The following ALPK2 variants were observed in gnomAD, a reference collection of about 807,000 sequenced individuals.
ALPK2 encodes alpha-protein kinase 2.
In ALPK2, 127 loss-of-function variants were observed where a neutral mutation model predicts 163.1. The observed-to-expected ratio is 0.78, with a 90% CI of 0.67 to 0.90. The LOEUF is 0.90. Ranked by LOEUF, ALPK2 falls within the 40% of genes least tolerant of loss-of-function variation. The pLI is 0.00. For missense variants in ALPK2, 2,360 were observed against 2,589.6 expected (o/e 0.91, Z 1.92); for synonymous variants, 953 against 959.1 (o/e 0.99, Z 0.12).
intron 12 of ALPK2, among the ~76,000 whole-genome samples, chr18:58,486,144 T>A (rs1479072928): frequency 6.6e-6 from 1 of 152,174 alleles, no homozygotes; most frequent in Admixed American, 6.5e-5. Flanking sequence ...TGGGTAGACT[T>A]CTTTCAGGAA....
intron 12 of ALPK2, among the ~76,000 whole-genome samples, chr18:58,495,525 T>C (rs2144104516): frequency 6.6e-6 from 1 of 152,314 alleles, no homozygotes; most frequent in Non-Finnish European, 1.5e-5. Context: ...GGATTTCTTT[T>C]TAAATCAGGA....
At chr18:58,571,146 C>G (rs1171483574) in intron 4 of ALPK2, among the ~76,000 whole-genome samples, 1 of 152,046 alleles carries the variant, frequency 6.6e-6, no homozygotes, top group African/African-American at 2.4e-5. Context: ...CTCAGCCTCC[C>G]AAGTAGCTGG....
intron 4 of ALPK2, among the ~76,000 whole-genome samples, chr18:58,547,175 C>T (rs992037369): frequency 6.6e-6 from 1 of 152,180 alleles, no homozygotes; most frequent in African/African-American, 2.4e-5. Flanking sequence ...TGTTCTGTGA[C>T]CTGCTGCCAA....
In ALPK2 at chr18:58,536,931, C is replaced by T. The variant is rs763412634; in HGVS notation, c.3256G>A (p.Val1086Ile). 11 of 1,614,226 alleles carry T rather than the reference C, an allele frequency of 6.8e-6. No individual in the cohort carries two copies. Among genetic ancestry groups the T allele is most frequent in the Non-Finnish European group, 8.5e-6 (10 of 1,180,030 alleles). The part of the protein sequence containing the change: ...APSVPGVPHH[V>I]LQLPEGEGFC... The stretch of plus-strand genomic sequence containing the variant: ...CCCTCTCCCTCTGGGAGCTGCAGGA[C>T]ATGGTGTGGGACTCCTGGCACACTG... The change falls in exon 5 of 13, where the codon GTC (valine) becomes ATC (isoleucine). Residue 1086 changes from valine to isoleucine, a missense_variant. By Grantham distance (29) the Val-to-Ile change is conservative. Coordinates refer to ENST00000361673, the MANE Select transcript of ALPK2 (RefSeq NM_052947.4).
intron 4 of ALPK2, among the ~76,000 whole-genome samples, chr18:58,573,338 A>G (rs995766627): frequency 1.5e-5 from 2 of 137,908 alleles, no homozygotes; most frequent in Admixed American, 7.1e-5. Context: ...ATATATGTGT[A>G]TATATATGTA....
chr18:58,589,075 A>G (rs1211233343), intron 3 of ALPK2, among the ~76,000 whole-genome samples: 1 of 152,194 alleles, frequency 6.6e-6, no homozygotes, highest in Non-Finnish European at 1.5e-5. Context: ...CATTGATTTA[A>G]GCTATTCACC....
At chr18:58,624,996 C>T (rs2052222061) in intron 1 of ALPK2, among the ~76,000 whole-genome samples, 1 of 152,172 alleles carries the variant, frequency 6.6e-6, no homozygotes, top group Admixed American at 6.5e-5. Flanking sequence ...GTAGCCCAAC[C>T]ACACTAATTT....
intron 4 of ALPK2, among the ~76,000 whole-genome samples, chr18:58,539,185 T>G (rs972117747): frequency 4.6e-5 from 7 of 152,198 alleles, no homozygotes; most frequent in African/African-American, 1.7e-4. Context: ...GACTTATGAT[T>G]GGCCACCAGC....
In ALPK2 at chr18:58,607,425, C is replaced by G. The variant is rs775186549; in HGVS notation, c.124G>C (p.Glu42Gln). 2 of 1,609,792 alleles carry G rather than the reference C, an allele frequency of 1.2e-6. No individual in the cohort carries two copies. The highest frequency in any genetic ancestry group is 1.1e-5 in the South Asian group (1 of 90,334). ...RCIISGQPKP[E>Q]VTWYKNGQAI... The stretch of plus-strand genomic sequence containing the variant: ...TGACCATTCTTATACCAAGTTACCT[C>G]TGGCTTGGGCTGACCTGACAATAAA... The change falls in exon 3 of 13, where the codon GAG becomes CAG. Residue 42 changes from glutamate (E) to glutamine (Q), a missense_variant. Physicochemically the swap from Glu to Gln is conservative, Grantham distance 29 (BLOSUM62 2). Transcript: ENST00000361673.
intron 4 of ALPK2, among the ~76,000 whole-genome samples, chr18:58,562,676 G>A (rs1172044105): frequency 6.6e-6 from 1 of 152,226 alleles, no homozygotes; most frequent in Non-Finnish European, 1.5e-5. Flanking sequence ...CTCAGCTCAG[G>A]CTGCTATCAC....
intron 4 of ALPK2, among the ~76,000 whole-genome samples, chr18:58,560,502 A>G (rs1429245657): frequency 6.6e-6 from 1 of 152,136 alleles, no homozygotes; most frequent in African/African-American, 2.4e-5. Flanking sequence ...GCATCTTCAA[A>G]TCCTTCTCTG....
At chr18:58,541,026 T>C (rs531486763) in intron 4 of ALPK2, among the ~76,000 whole-genome samples, 11 of 152,258 alleles carry the variant, frequency 7.2e-5, no homozygotes, top group Non-Finnish European at 1.3e-4. Context: ...CATAGTATCA[T>C]GCCGTGATTT....
Position 58,521,625 on chromosome 18 carries a change from C to CTTTTTTTTTTTTTTTT in ALPK2, c.5665+2180_5665+2181insAAAAAAAAAAAAAAAA, listed in dbSNP as rs1375364902. 4.6e-3 allele frequency among the ~76,000 whole-genome samples: 231 copies of CTTTTTTTTTTTTTTTT among 50,512 alleles called. 6 individuals carry two copies. The highest frequency in any genetic ancestry group is 8.7e-3 in the South Asian group (13 of 1,486). The allele number at this position is 50,512 out of a possible 152,430, so 33.1% of individuals were successfully genotyped here. ...CATTTCTTTTTCTTTCTTTCTCTCT[C>CTTTTTTTTTTTTTTTT]TCTTTTTTTTTTTTTTTTTTTGAGA... On this transcript the variant is annotated intron_variant, in intron 8 of 12. Transcript: ENST00000361673.
At chr18:58,539,274 G>A (rs2051677196) in intron 4 of ALPK2, among the ~76,000 whole-genome samples, 1 of 152,138 alleles carries the variant, frequency 6.6e-6, no homozygotes, top group Non-Finnish European at 1.5e-5. Context: ...ATGCCCAGTG[G>A]CAGGCAGACC....
chr18:58,589,665 C>T (rs2052005349), intron 3 of ALPK2, among the ~76,000 whole-genome samples: 2 of 152,202 alleles, frequency 1.3e-5, no homozygotes, highest in South Asian at 4.1e-4. Context: ...TCATGCTCAT[C>T]CTACCCTAAG....
In ALPK2 at chr18:58,579,605, C is replaced by T. The variant is rs1178029399; in HGVS notation, c.1171G>A (p.Ala391Thr). The T allele has an allele frequency of 7.4e-6, 12 of 1,613,536 alleles. No individual in the cohort carries two copies. The highest frequency in any genetic ancestry group is 2.7e-5 in the African/African-American group (2 of 74,874). ...MGCGSRVSGDAGPMVATAGFC... is the reference protein window; with the variant it reads ...MGCGSRVSGDTGPMVATAGFC... ...CCAGCAGTGGCAACCATAGGCCCAG[C>T]GTCACCCGACACCCGAGACCCACAA... Residue 391 changes from alanine to threonine, a missense_variant, in exon 4 of 13, where the codon GCT becomes ACT. Transcript: ENST00000361673.
At chr18:58,622,745 A>G (rs186542002) in intron 1 of ALPK2, among the ~76,000 whole-genome samples, 21 of 152,328 alleles carry the variant, frequency 1.4e-4, no homozygotes, top group Admixed American at 6.5e-4. Flanking sequence ...TTCACAGTAA[A>G]GAAAGCCCCT....
chr18:58,537,550 G>C lies in ALPK2; in HGVS notation c.2637C>G (p.Ser879Arg), dbSNP rs1297311598. Reference sequence around the variant, plus strand: ...GGGACATGACTGAGTTGCCGTCCTTGCTGCTTTTGCACGTAGACACTGAAG... The same window carrying C: ...GGGACATGACTGAGTTGCCGTCCTTCCTGCTTTTGCACGTAGACACTGAAG... ...SETSVSTCKS[S>R]KDGNSVMSPL... The change falls in exon 5 of 13, where the codon AGC (serine) becomes AGG (arginine). Residue 879 changes from serine to arginine, a missense_variant. Transcript: ENST00000361673. 6.2e-7 allele frequency: 1 copy of C among 1,613,914 alleles called. No homozygotes were observed. The highest frequency in any genetic ancestry group is 8.5e-7 in the Non-Finnish European group (1 of 1,179,902).
chr18:58,538,824 G>T (rs1249074812), intron 4 of ALPK2, among the ~76,000 whole-genome samples: 1 of 152,044 alleles, frequency 6.6e-6, no homozygotes, highest in African/African-American at 2.4e-5. Context: ...CCATCCCTCA[G>T]GGGTGGGGGG....
Sources: gnomAD v4.1 joint callset for allele counts (sites outside exome capture counted in the v4.1 genomes callset) on GRCh38, gnomAD v4.1.1 for gene constraint, MANE v1.5 for transcripts, NCBI Gene and HGNC (gene_info 2026-07-23, HGNC 2026-07-21) for gene names.